OLFM3: variants seen among roughly 807,000 people sequenced by gnomAD.
The protein encoded by OLFM3 is olfactomedin 3, also known as noelin-3.
A neutral mutation model predicts 48.6 loss-of-function variants in OLFM3; 20 were observed. The ratio of observed to expected loss-of-function variants is 0.41; its 90% CI spans 0.29 to 0.60. The LOEUF is 0.60. Among genes scored for constraint, OLFM3 ranks in the 20% least tolerant of loss-of-function variants. The probability of loss-of-function intolerance (pLI) is 0.28; values close to 1 mark genes in which losing one functional copy is unlikely to be tolerated. For missense variants in OLFM3, 437 were observed against 544.3 expected, an observed-to-expected ratio of 0.80 and a Z score of 1.96; for synonymous variants, 222 against 198.1, an observed-to-expected ratio of 1.12 and a Z score of -1.01.
At position 101,937,797 on chromosome 1, in the gene OLFM3, A is replaced by G. The variant is rs185952962; in HGVS notation, c.69+58951T>C. Among the ~76,000 whole-genome samples, 3 of 152,368 alleles carry G rather than the reference A, an allele frequency of 2.0e-5. No individual in the cohort carries two copies. The East Asian group carries it at 5.8e-4, about 29-fold the overall frequency. On this transcript the variant is annotated intron_variant, in intron 1 of 5. Coordinates refer to ENST00000370103, the MANE Select transcript of OLFM3 (RefSeq NM_058170.4). ...TCTCAAATACTTTCTTATCAAAGGT[A>G]TCTCCTGACCACCCTATACATATAC...
intron 1 of OLFM3, among the ~76,000 whole-genome samples, chr1:101,844,882 T>C (rs1018730293): frequency 1.3e-5 from 2 of 152,188 alleles, no homozygotes; most frequent in African/African-American, 4.8e-5. Context: ...TAAGATCCTT[T>C]CCACCTTTCT....
At chr1:101,919,324 T>A (rs1659021712) in intron 1 of OLFM3, among the ~76,000 whole-genome samples, 1 of 152,208 alleles carries the variant, frequency 6.6e-6, no homozygotes, top group African/African-American at 2.4e-5. Flanking sequence ...TTGAACTTTC[T>A]ATTTCCAATT....
At chr1:101,869,245 C>T (rs556393528) in intron 1 of OLFM3, among the ~76,000 whole-genome samples, 102 of 152,282 alleles carry the variant, frequency 6.7e-4, no homozygotes, top group African/African-American at 2.2e-3. Flanking sequence ...TGAAGTGGGG[C>T]TGTACCCTGC....
At chr1:101,884,261 G>A (rs929763032) in intron 1 of OLFM3, among the ~76,000 whole-genome samples, 1 of 151,904 alleles carries the variant, frequency 6.6e-6, no homozygotes, top group Non-Finnish European at 1.5e-5. Flanking sequence ...GTAATACGAA[G>A]GTGAGGAATC....
At chr1:101,961,408 G>T (rs1303093009) in intron 1 of OLFM3, among the ~76,000 whole-genome samples, 2 of 151,780 alleles carry the variant, frequency 1.3e-5, no homozygotes, top group Non-Finnish European at 2.9e-5. Flanking sequence ...TTCATTCCTA[G>T]AACTTATTAT....
At chr1:101,981,997 T>C (rs879651189) in intron 1 of OLFM3, among the ~76,000 whole-genome samples, 1 of 152,062 alleles carries the variant, frequency 6.6e-6, no homozygotes, top group Admixed American at 6.6e-5. Context: ...TGAATAAACA[T>C]TGAAAAAACA....
chr1:101,855,147 C>A (rs1380230008), intron 1 of OLFM3, among the ~76,000 whole-genome samples: 1 of 152,016 alleles, frequency 6.6e-6, no homozygotes. Context: ...TTCAAACATT[C>A]TAGAAAGTAT....
chr1:101,944,701 G>A (rs1004222282), intron 1 of OLFM3, among the ~76,000 whole-genome samples: 1 of 152,000 alleles, frequency 6.6e-6, no homozygotes, highest in Non-Finnish European at 1.5e-5. Flanking sequence ...TCAACATGGC[G>A]AAACCCCATC....
At chr1:101,969,359 G>C (rs1261696704) in intron 1 of OLFM3, among the ~76,000 whole-genome samples, 6 of 150,986 alleles carry the variant, frequency 4.0e-5, no homozygotes, top group African/African-American at 1.5e-4. Context: ...TAGAGGCAAG[G>C]TTTTGCCATG....
chr1:101,940,128 T>A (rs1189938280), intron 1 of OLFM3, among the ~76,000 whole-genome samples: 3 of 152,150 alleles, frequency 2.0e-5, no homozygotes, highest in Non-Finnish European at 4.4e-5. Context: ...GATGGGCAAG[T>A]GCATGCATTC....
intron 2 of OLFM3, among the ~76,000 whole-genome samples, chr1:101,831,760 T>C (rs566627776): frequency 6.6e-6 from 1 of 152,316 alleles, no homozygotes; most frequent in South Asian, 2.1e-4. Context: ...AACTACTGAA[T>C]CAAAATATAC....
At chr1:101,991,016 A>AAAAATATATATATATATAT (rs1553186119) in intron 1 of OLFM3, among the ~76,000 whole-genome samples, 1 of 32,220 alleles carries the variant, frequency 3.1e-5, no homozygotes. Context: ...AAAAAAAAAA[A>AAAAATATATATATATATAT]ATATATATAT....
chr1:101,896,000 AT>A (rs201320276), intron 1 of OLFM3, among the ~76,000 whole-genome samples: 3,215 of 150,156 alleles, frequency 0.021, 54 homozygotes, highest in Non-Finnish European at 0.032. Context: ...AATAATAATA[AT>A]AATAAAAGTA....
intron 1 of OLFM3, among the ~76,000 whole-genome samples, chr1:101,977,202 C>A (rs7554411): frequency 6.6e-6 from 1 of 152,204 alleles, no homozygotes; most frequent in South Asian, 2.1e-4. Flanking sequence ...AGATTACAAT[C>A]AACACTTTCT....
At chr1:101,956,602 T>C (rs1236633108) in intron 1 of OLFM3, among the ~76,000 whole-genome samples, 1 of 151,958 alleles carries the variant, frequency 6.6e-6, no homozygotes, top group African/African-American at 2.4e-5. Flanking sequence ...ACATTAAATA[T>C]AAATTTGGCT....
At chr1:101,874,664 C>T (rs1657226182) in intron 1 of OLFM3, among the ~76,000 whole-genome samples, 1 of 151,838 alleles carries the variant, frequency 6.6e-6, no homozygotes, top group East Asian at 1.9e-4. Flanking sequence ...GAGTTTGAGG[C>T]TCAAAAACAT....
intron 1 of OLFM3, among the ~76,000 whole-genome samples, chr1:101,914,095 T>C (rs1201800635): frequency 6.6e-6 from 1 of 152,288 alleles, no homozygotes; most frequent in Non-Finnish European, 1.5e-5. Flanking sequence ...TATCCTTCCC[T>C]TTTCAGGTAT....
intron 1 of OLFM3, among the ~76,000 whole-genome samples, chr1:101,955,058 A>T (rs1229589379): frequency 6.6e-5 from 10 of 152,066 alleles, no homozygotes; most frequent in Non-Finnish European, 1.3e-4. Context: ...GTATTATGTA[A>T]AATAAATTCT....
At chr1:101,932,688 A>C (rs1470425485) in intron 1 of OLFM3, among the ~76,000 whole-genome samples, 1 of 152,234 alleles carries the variant, frequency 6.6e-6, no homozygotes, top group African/African-American at 2.4e-5. Context: ...GACTGAAAGA[A>C]CATCAACCCA....
Sources: allele counts gnomAD v4.1 joint callset (sites outside exome capture counted in the v4.1 genomes callset), GRCh38; gene constraint gnomAD v4.1.1; transcripts MANE v1.5; gene names NCBI Gene and HGNC (gene_info 2026-07-23, HGNC 2026-07-21).